Variants in PICALM observed in about 807,000 individuals in gnomAD.
PICALM encodes the protein phosphatidylinositol binding clathrin assembly protein.
PICALM carries 40 observed loss-of-function variants against 80.5 expected under a neutral mutation model. That is an observed-to-expected ratio of 0.50 (90% CI 0.39 to 0.65). The LOEUF (loss-of-function observed/expected upper bound fraction) is 0.65. PICALM is among the 30% of genes least tolerant of loss of function. The probability of loss-of-function intolerance (pLI) is 0.00; values close to 1 mark genes in which losing one functional copy is unlikely to be tolerated. For missense variants in PICALM, 676 were observed against 778.9 expected (o/e 0.87, Z 1.57); for synonymous variants, 288 against 260.3 (o/e 1.11, Z -1.02).
chr11:86,063,066 A>C (rs1565611389), intron 1 of PICALM, among the ~76,000 whole-genome samples: 2 of 152,240 alleles, frequency 1.3e-5, no homozygotes, highest in African/African-American at 4.8e-5. Context: ...GAGCTGAAGA[A>C]AACAAAGGAG....
intron 19 of PICALM, among the ~76,000 whole-genome samples, chr11:85,963,013 T>C (rs1780396083): frequency 6.6e-6 from 1 of 152,022 alleles, no homozygotes; most frequent in South Asian, 2.1e-4. Context: ...AAGAACAAAA[T>C]AGCATGAAGA....
intron 1 of PICALM, among the ~76,000 whole-genome samples, chr11:86,055,660 A>T (rs1014436496): frequency 5.9e-5 from 9 of 152,176 alleles, no homozygotes; most frequent in African/African-American, 1.9e-4. Context: ...AAAAACCCAA[A>T]TATCTTTGGT....
At chr11:86,041,690 A>G (rs150179965) in intron 1 of PICALM, among the ~76,000 whole-genome samples, 232 of 152,332 alleles carry the variant, frequency 1.5e-3, no homozygotes, top group Non-Finnish European at 1.3e-3. Flanking sequence ...TAAAAGTGCA[A>G]ACTAAATTGT....
rs376885176 is a variant in PICALM, at chr11:85,996,947, A to T, written c.1155-18T>A. On this transcript the variant is annotated intron_variant, in intron 11 of 19. Transcript: ENST00000393346. ...TTGATGTGCTAGAAAGATATTTTGG[A>T]AACGTGTTTTATTTACCAGAAAAAC... 76 of 1,567,090 alleles carry T rather than the reference A, an allele frequency of 4.8e-5. No individual in the cohort carries two copies. The highest frequency in any genetic ancestry group is 5.9e-5 in the Non-Finnish European group (67 of 1,141,192).
intron 2 of PICALM, among the ~76,000 whole-genome samples, chr11:86,028,599 CTAT>C: frequency 6.6e-6 from 1 of 152,058 alleles, no homozygotes; most frequent in Admixed American, 6.6e-5. Context: ...CATGAAGGTA[CTAT>C]CATATTATTG....
chr11:86,062,025 G>C (rs899495639), intron 1 of PICALM, among the ~76,000 whole-genome samples: 4 of 152,178 alleles, frequency 2.6e-5, no homozygotes, highest in African/African-American at 7.2e-5. Flanking sequence ...GCTATAGACT[G>C]TATGATTCCA....
intron 18 of PICALM, 83 bp downstream of exon 18, chr11:85,976,540 C>A (rs1415239482): frequency 2.3e-6 from 2 of 862,252 alleles, no homozygotes; most frequent in Admixed American, 1.8e-5. Context: ...GCACTAAATT[C>A]TTTTTTAGGT....
At chr11:86,023,412 A>AT (rs2095599217) in intron 3 of PICALM, 1 of 980,258 alleles carries the variant, frequency 1.0e-6, no homozygotes, top group South Asian at 4.7e-5. Flanking sequence ...ATATGACTTC[A>AT]TACCTACTAC....
In PICALM at chr11:85,960,425, G is replaced by A. The variant is rs1221997854; in HGVS notation, c.1945-1365C>T. ...CTTAATTAAAAAGCAAACTTTATCC[G>A]ATCTCATCCATTTACTGTGAGCAGT... On this transcript the variant is annotated intron_variant, in intron 19 of 19. Transcript: ENST00000393346. Among the ~76,000 whole-genome samples, 4 of 152,268 alleles carry A rather than the reference G, an allele frequency of 2.6e-5. No homozygotes were observed. The South Asian group carries it at 8.3e-4, about 32-fold the overall frequency.
chr11:85,962,537 A>T (rs2093724337), intron 19 of PICALM, among the ~76,000 whole-genome samples: 1 of 152,216 alleles, frequency 6.6e-6, no homozygotes, highest in Non-Finnish European at 1.5e-5. Flanking sequence ...GGAAGAGACA[A>T]ATCTATTTTC....
chr11:86,008,396 C>T (rs1026457014), intron 7 of PICALM, among the ~76,000 whole-genome samples: 9 of 151,800 alleles, frequency 5.9e-5, no homozygotes, highest in Admixed American at 1.3e-4. Context: ...CTGAGGTGGG[C>T]GGATCACGAG....
intron 1 of PICALM, among the ~76,000 whole-genome samples, chr11:86,066,027 T>C (rs1168420326): frequency 6.6e-6 from 1 of 152,140 alleles, no homozygotes; most frequent in Non-Finnish European, 1.5e-5. Context: ...GCTAGGGGCA[T>C]TAAAAGGTGC....
At chr11:85,992,316 G>T in intron 12 of PICALM, among the ~76,000 whole-genome samples, 1 of 149,422 alleles carries the variant, frequency 6.7e-6, no homozygotes, top group African/African-American at 2.5e-5. Flanking sequence ...AGTCGAACTC[G>T]CTGTGTTGTC....
chr11:85,991,104 T>G (rs2094760286), intron 12 of PICALM, among the ~76,000 whole-genome samples: 1 of 152,128 alleles, frequency 6.6e-6, no homozygotes. Context: ...ATCCTTTATC[T>G]AAAGTTATTC....
At chr11:86,022,500 A>G (rs1483237873) in intron 3 of PICALM, 31 bp from the exon 4 acceptor site, 3 of 1,166,400 alleles carry the variant, frequency 2.6e-6, no homozygotes, top group Non-Finnish European at 2.4e-6. Context: ...AAACAAAACA[A>G]AGAGAGAGAC....
intron 3 of PICALM, among the ~76,000 whole-genome samples, chr11:86,022,830 A>G (rs1057265655): frequency 2.6e-5 from 4 of 152,136 alleles, no homozygotes; most frequent in African/African-American, 9.6e-5. Flanking sequence ...ATGGAACCAC[A>G]ATCCCATTCC....
chr11:86,023,372 G>A (rs1447788975), intron 3 of PICALM: 1 of 807,754 alleles, frequency 1.2e-6, no homozygotes, highest in African/African-American at 1.9e-5. Context: ...AAAAATCAGT[G>A]AACAAAATAG....
chr11:86,016,685 A>G (rs2095485571), intron 4 of PICALM, among the ~76,000 whole-genome samples: 1 of 152,220 alleles, frequency 6.6e-6, no homozygotes, highest in African/African-American at 2.4e-5. Flanking sequence ...GCAAACTGGC[A>G]AAACTATAAA....
intron 11 of PICALM, among the ~76,000 whole-genome samples, chr11:86,000,260 C>T (rs541405292): frequency 2.0e-5 from 3 of 152,198 alleles, no homozygotes; most frequent in South Asian, 2.1e-4. Context: ...ATATGACAGA[C>T]GTTTAATATC....
Sources: allele counts gnomAD v4.1 joint callset (sites outside exome capture counted in the v4.1 genomes callset), GRCh38; gene constraint gnomAD v4.1.1; transcripts MANE v1.5; gene names NCBI Gene and HGNC (gene_info 2026-07-23, HGNC 2026-07-21).